SGTA: variants seen among roughly 807,000 people sequenced by gnomAD.
SGTA encodes the protein small glutamine-rich tetratricopeptide repeat-containing protein alpha.
A neutral mutation model predicts 44.3 loss-of-function variants in SGTA; 22 were observed. The observed-to-expected ratio is 0.50, with a 90% CI of 0.36 to 0.71. The LOEUF (loss-of-function observed/expected upper bound fraction) is 0.71. SGTA is among the 30% of genes least tolerant of loss of function. SGTA has a pLI of 0.00. For synonymous variants in SGTA, 174 were observed against 177.6 expected (o/e 0.98, Z 0.16); for missense variants, 341 against 435.9 (o/e 0.78, Z 1.94).
At chr19:2,777,834 C>T (rs1915477044) in intron 1 of SGTA, 1 of 151,600 alleles carries the variant, frequency 6.6e-6, no homozygotes, top group Admixed American at 6.6e-5. Flanking sequence ...TCTGGAGTTC[C>T]TGACCAGCCT....
intron 4 of SGTA, among the ~76,000 whole-genome samples, 165 bp downstream of exon 4, chr19:2,766,971 C>T (rs1014775946): frequency 3.3e-5 from 5 of 152,022 alleles, no homozygotes; most frequent in African/African-American, 7.2e-5. Context: ...CCAGTCCCCT[C>T]GCCAGTCCCC....
At chr19:2,773,953 GAT>G (rs1915380517) in intron 1 of SGTA, among the ~76,000 whole-genome samples, 4 of 125,664 alleles carry the variant, frequency 3.2e-5, no homozygotes, top group East Asian at 2.7e-4. Flanking sequence ...CGAGGGCAGA[GAT>G]GGGTGACGCG....
At chr19:2,775,231 G>C (rs533382357) in intron 1 of SGTA, among the ~76,000 whole-genome samples, 1 of 152,228 alleles carries the variant, frequency 6.6e-6, no homozygotes, top group East Asian at 1.9e-4. Context: ...CCCGGCAGGC[G>C]CCTGACCTGC....
In SGTA at chr19:2,754,910, C is replaced by G. The variant is rs1443269111; in HGVS notation, c.*1030G>C. 2 of 152,290 alleles carry G rather than the reference C, an allele frequency of 1.3e-5. No individual in the cohort carries two copies. The highest frequency in any genetic ancestry group is 2.9e-5 in the Non-Finnish European group (2 of 68,126). The allele number at this position is 152,290 out of a possible 1,614,324, so 9.4% of individuals were successfully genotyped here. On this transcript the variant is annotated 3_prime_UTR_variant, in exon 12 of 12. Transcript: ENST00000221566. The surrounding 1 kb of genome is among the most constrained non-coding windows in gnomAD (Gnocchi z 4.4). ...CCCCAGGATGCTCCGACTGACAACC[C>G]TGCTGCTGGGACCACGGCGCCGTGG...
chr19:2,767,048 C>T lies in SGTA; in HGVS notation c.292+88G>A, dbSNP rs979511158. On this transcript the variant is annotated intron_variant, in intron 4 of 11. Coordinates refer to ENST00000221566, the MANE Select transcript of SGTA (RefSeq NM_003021.4). This position sits in a 1 kb window ranked among gnomAD's most constrained non-coding sequence, Gnocchi z 7.3. Reference sequence around the variant, plus strand: ...GGCAATTCCCTCAGCTCCCTGGGCCCCAGGGACCAGCTGGCCTCTGCGAGG... The same window carrying T: ...GGCAATTCCCTCAGCTCCCTGGGCCTCAGGGACCAGCTGGCCTCTGCGAGG... 2.2e-5 allele frequency: 21 copies of T among 970,992 alleles called. No individual in the cohort carries two copies. In the South Asian group the frequency reaches 2.6e-4, roughly 12 times the overall value. The allele number at this position is 970,992 out of a possible 1,614,324, so 60.1% of individuals were successfully genotyped here. A position where few individuals can be genotyped will look rare whatever the true frequency, so the allele number is the denominator to read the frequency against.
In SGTA at chr19:2,767,328, C is replaced by A. The variant is rs940424296; in HGVS notation, c.208-108G>T. 1.1e-6 allele frequency: 1 copy of A among 888,204 alleles called. No homozygotes were observed. 55.0% of individuals were successfully genotyped at this position (888,204 alleles called of 1,614,324 possible). A position where few individuals can be genotyped will look rare whatever the true frequency, so the allele number is the denominator to read the frequency against. On this transcript the variant is annotated intron_variant, in intron 3 of 11. Transcript: ENST00000221566. This position sits in a 1 kb window ranked among gnomAD's most constrained non-coding sequence, Gnocchi z 7.3. ...AGAGGGCCACCAAGTTCCGAAGGAC[C>A]CGGGGGCTCTGCAGGGGACTCCTGG...
At position 2,767,433 on chromosome 19, in the gene SGTA, T is replaced by G; in HGVS notation, c.207+147A>C. On this transcript the variant is annotated intron_variant, in intron 3 of 11. Transcript: ENST00000221566. This position sits in a 1 kb window ranked among gnomAD's most constrained non-coding sequence, Gnocchi z 7.3. ...CGCCGATAGGGGGAGGAGGGCCAAG[T>G]GCTCCTGCAGCCACGTCCCCAGCCC... The G allele has an allele frequency of 1.3e-6, 1 of 760,800 alleles. No individual in the cohort carries two copies. Among genetic ancestry groups the G allele is most frequent in the Non-Finnish European group, 2.2e-6 (1 of 454,672 alleles). The allele number at this position is 760,800 out of a possible 1,614,324, so 47.1% of individuals were successfully genotyped here.
intron 1 of SGTA, among the ~76,000 whole-genome samples, chr19:2,778,443 G>C (rs999067939): frequency 6.6e-6 from 1 of 152,048 alleles, no homozygotes; most frequent in South Asian, 2.1e-4. Flanking sequence ...CAGTGCCGCC[G>C]GTGCCTCTGT....
Position 2,765,045 on chromosome 19 carries a change from C to G in SGTA, c.392+141G>C. The G allele has an allele frequency of 1.3e-5, 8 of 627,644 alleles. No homozygotes were observed. The South Asian group carries it at 1.5e-4, about 12-fold the overall frequency. 38.9% of individuals were successfully genotyped at this position (627,644 alleles called of 1,614,324 possible). A position where few individuals can be genotyped will look rare whatever the true frequency, so the allele number is the denominator to read the frequency against. ...ACCCCGTTGCTGGTCACCTGATGCTCGCTCCTGGTCTGAGACCACCGGTGA... is the reference window on the plus strand; with the variant it reads ...ACCCCGTTGCTGGTCACCTGATGCTGGCTCCTGGTCTGAGACCACCGGTGA... On this transcript the variant is annotated intron_variant, in intron 5 of 11. Coordinates refer to ENST00000221566, the MANE Select transcript of SGTA (RefSeq NM_003021.4). This position sits in a 1 kb window ranked among gnomAD's most constrained non-coding sequence, Gnocchi z 5.5.
intron 1 of SGTA, among the ~76,000 whole-genome samples, chr19:2,781,908 G>A (rs970875146): frequency 2.6e-4 from 39 of 149,602 alleles, no homozygotes; most frequent in African/African-American, 8.9e-4. Context: ...GTGGCATGAT[G>A]TTGGGTCACT....
intron 1 of SGTA, among the ~76,000 whole-genome samples, chr19:2,780,638 CTT>C (rs1172151386): frequency 1.3e-5 from 2 of 152,214 alleles, no homozygotes; most frequent in Non-Finnish European, 2.9e-5. Context: ...CTTTCTATCT[CTT>C]GACAGACCCA....
intron 9 of SGTA, 106 bp downstream of exon 9, chr19:2,759,151 T>C (rs780352448): frequency 1.2e-5 from 12 of 1,014,558 alleles, no homozygotes; most frequent in Non-Finnish European, 1.9e-5. Context: ...CTTAATGCCA[T>C]TAAGTTGCAC....
rs565951275 is a variant in SGTA, at chr19:2,763,519, G to C, written c.497+134C>G. On this transcript the variant is annotated intron_variant, in intron 6 of 11. Transcript: ENST00000221566. The surrounding 1 kb of genome is among the most constrained non-coding windows in gnomAD (Gnocchi z 5.8). ...GGACTACGTTGGCTCCGAACAGCTA[G>C]TGTCAGAGTTGAACTGAACCGGGGT... The C allele has an allele frequency of 1.1e-5, 7 of 616,990 alleles. No homozygotes were observed. Among genetic ancestry groups the C allele is most frequent in the Admixed American group, 2.7e-5 (1 of 36,428 alleles). The allele number at this position is 616,990 out of a possible 1,614,324, so 38.2% of individuals were successfully genotyped here. A position where few individuals can be genotyped will look rare whatever the true frequency, so the allele number is the denominator to read the frequency against.
chr19:2,767,329 CG>C lies in SGTA; in HGVS notation c.208-110del. 3 of 884,470 alleles carry C rather than the reference CG, an allele frequency of 3.4e-6. No homozygotes were observed. Among genetic ancestry groups the C allele is most frequent in the Non-Finnish European group, 3.5e-6 (2 of 570,080 alleles). 54.8% of individuals were successfully genotyped at this position (884,470 alleles called of 1,614,324 possible). On this transcript the variant is annotated intron_variant, in intron 3 of 11. Transcript: ENST00000221566. This position sits in a 1 kb window ranked among gnomAD's most constrained non-coding sequence, Gnocchi z 7.3. ...GAGGGCCACCAAGTTCCGAAGGACC[CG>C]GGGGCTCTGCAGGGGACTCCTGGCC...
rs953460213 is a variant in SGTA, at chr19:2,763,694, G to A, written c.456C>T (p.Ile152=). The A allele has an allele frequency of 6.2e-7, 1 of 1,613,836 alleles. No homozygotes were observed. The highest frequency in any genetic ancestry group is 8.5e-7 in the Non-Finnish European group (1 of 1,179,948). Residue 152 remains isoleucine (I), a synonymous_variant, in exon 6 of 12, where the codon ATC becomes ATT. Transcript: ENST00000221566. The surrounding 1 kb of genome is among the most constrained non-coding windows in gnomAD (Gnocchi z 5.8). ...AGAVQDCERA[I]CIDPAYSKAY... ...CCTTGCTGTAGGCCGGGTCAATGCAGATGGCCCGCTCACAGTCCTGCACCG... is the reference window on the plus strand; with the variant it reads ...CCTTGCTGTAGGCCGGGTCAATGCAAATGGCCCGCTCACAGTCCTGCACCG...
chr19:2,776,349 C>T (rs962610263), intron 1 of SGTA, among the ~76,000 whole-genome samples: 5 of 152,228 alleles, frequency 3.3e-5, no homozygotes, highest in South Asian at 2.1e-4. Context: ...CCTAGCCACA[C>T]GACGGAACGC....
At chr19:2,759,467 C>T in intron 8 of SGTA, 173 bp from the exon 9 acceptor site, 1 of 613,904 alleles carries the variant, frequency 1.6e-6, no homozygotes, top group Admixed American at 2.9e-5. Context: ...CGCCCCCCCA[C>T]CCACGAGCTG....
intron 1 of SGTA, among the ~76,000 whole-genome samples, chr19:2,779,736 T>A (rs1220519385): frequency 6.6e-6 from 1 of 152,178 alleles, no homozygotes; most frequent in African/African-American, 2.4e-5. Flanking sequence ...TGACTCCACA[T>A]CCCACCTTTT....
At chr19:2,766,799 CAT>C (rs1015293081) in intron 4 of SGTA, among the ~76,000 whole-genome samples, 2 of 151,714 alleles carry the variant, frequency 1.3e-5, no homozygotes, top group African/African-American at 4.8e-5. Flanking sequence ...TTTTGGTGGA[CAT>C]GTGTCTCTCT....
Sources: allele counts gnomAD v4.1 joint callset (sites outside exome capture counted in the v4.1 genomes callset), GRCh38; gene constraint gnomAD v4.1.1; non-coding constraint Gnocchi (gnomAD v3.1); transcripts MANE v1.5; gene names NCBI Gene and HGNC (gene_info 2026-07-23, HGNC 2026-07-21).